The following SPMIP3 variants were observed in gnomAD, a reference collection of about 807,000 sequenced individuals.
SPMIP3 encodes the protein protein SPMIP3.
the SPMIP3 span, chr1:244,375,555 C>A: frequency 6.9e-6 from 6 of 872,058 alleles, no homozygotes; most frequent in Admixed American, 1.1e-4. Context: ...ATACACTACT[C>A]CTCATAATAC....
chr1:244,353,765 G>A, the SPMIP3 span, among the ~76,000 whole-genome samples: 3 of 152,170 alleles, frequency 2.0e-5, no homozygotes, highest in Non-Finnish European at 4.4e-5. Context: ...CAGGGGAGAA[G>A]GGAACCAACC....
chr1:244,378,584 A>G, the SPMIP3 span: 8 of 1,614,226 alleles, frequency 5.0e-6, no homozygotes, highest in Non-Finnish European at 5.9e-6. Context: ...CTGCCGAGCC[A>G]TGGTATAAAG....
chr1:244,372,232 T>A, the SPMIP3 span, among the ~76,000 whole-genome samples: 300 of 152,310 alleles, frequency 2.0e-3, no homozygotes, highest in Middle Eastern at 6.8e-3. Flanking sequence ...AGATCACTAT[T>A]TCAGCATGTG....
chr1:244,384,748 G>C, the SPMIP3 span, among the ~76,000 whole-genome samples: 18 of 152,310 alleles, frequency 1.2e-4, no homozygotes, highest in African/African-American at 4.3e-4. Context: ...GAGATGCTTA[G>C]GTGGCAATGA....
the SPMIP3 span, among the ~76,000 whole-genome samples, chr1:244,380,123 CTTTTTTT>C: frequency 1.7e-5 from 2 of 115,530 alleles, no homozygotes; most frequent in Non-Finnish European, 3.5e-5. Context: ...CAGAGTTTTT[CTTTTTTT>C]TTTTTTTTTT....
the SPMIP3 span, chr1:244,375,350 ACCT>A: frequency 6.3e-7 from 1 of 1,576,034 alleles, no homozygotes; most frequent in South Asian, 1.1e-5. Context: ...CTTTCTTCTC[ACCT>A]CCTCACTTTC....
the SPMIP3 span, among the ~76,000 whole-genome samples, chr1:244,358,251 G>T: frequency 7.6e-6 from 1 of 130,936 alleles, no homozygotes; most frequent in Admixed American, 7.8e-5. Context: ...GAAAAGAAAA[G>T]AAAATTAAAA....
At chr1:244,373,440 C>G in the SPMIP3 span, among the ~76,000 whole-genome samples, 1 of 148,372 alleles carries the variant, frequency 6.7e-6, no homozygotes, top group South Asian at 2.1e-4. Context: ...GAGTTAGAGG[C>G]TACAGTGAGC....
At chr1:244,359,126 A>T in the SPMIP3 span, among the ~76,000 whole-genome samples, 1 of 134,056 alleles carries the variant, frequency 7.5e-6, no homozygotes, top group Non-Finnish European at 1.6e-5. Flanking sequence ...TGTCCAAGAG[A>T]TTATGATTAA....
the SPMIP3 span, among the ~76,000 whole-genome samples, chr1:244,362,232 C>T: frequency 1.3e-4 from 20 of 152,312 alleles, no homozygotes; most frequent in East Asian, 2.3e-3. Context: ...ATCACACACT[C>T]TTTTTTTCCA....
chr1:244,364,801 AG>A, the SPMIP3 span: 1 of 1,595,562 alleles, frequency 6.3e-7, no homozygotes, highest in Non-Finnish European at 8.6e-7. Context: ...GAAGCCAGGC[AG>A]CCAGGTGCCT....
At chr1:244,352,723 C>G in the SPMIP3 span, 1 of 152,320 alleles carries the variant, frequency 6.6e-6, no homozygotes, top group Non-Finnish European at 1.5e-5. Flanking sequence ...CTGCCCACGG[C>G]AGCCCAAGCA....
the SPMIP3 span, among the ~76,000 whole-genome samples, chr1:244,372,484 C>A: frequency 5.3e-5 from 8 of 151,492 alleles, no homozygotes; most frequent in African/African-American, 1.9e-4. Context: ...CACTCTGTCC[C>A]CCAGGCTGGA....
At chr1:244,361,358 A>T in the SPMIP3 span, among the ~76,000 whole-genome samples, 671 of 150,448 alleles carry the variant, frequency 4.5e-3, 7 homozygotes, top group African/African-American at 0.016. Flanking sequence ...CCTCCCAAGC[A>T]GCTGGGATTA....
At chr1:244,375,528 G>C in the SPMIP3 span, 8 of 1,324,852 alleles carry the variant, frequency 6.0e-6, no homozygotes, top group South Asian at 2.4e-5. Flanking sequence ...TGATAAAAAG[G>C]GGTCGGCGGG....
the SPMIP3 span, among the ~76,000 whole-genome samples, chr1:244,354,327 C>T: frequency 1.3e-4 from 19 of 150,296 alleles, no homozygotes; most frequent in East Asian, 5.9e-4. Flanking sequence ...TTTCACTTGG[C>T]ATTGTACTGG....
At chr1:244,357,473 G>A in the SPMIP3 span, among the ~76,000 whole-genome samples, 1 of 151,966 alleles carries the variant, frequency 6.6e-6, no homozygotes, top group African/African-American at 2.4e-5. Flanking sequence ...ACTTTGGGGG[G>A]GCCAAGGTGG....
chr1:244,384,170 A>G, the SPMIP3 span, among the ~76,000 whole-genome samples: 2 of 152,194 alleles, frequency 1.3e-5, no homozygotes, highest in Admixed American at 6.5e-5. Context: ...CGAAGATTGA[A>G]TGTGGAGAGT....
the SPMIP3 span, chr1:244,389,332 T>C: frequency 3.9e-6 from 1 of 257,074 alleles, no homozygotes; most frequent in Non-Finnish European, 7.6e-6. Flanking sequence ...TAGGCCAATG[T>C]ATACGCAGGA....
Sources: gnomAD v4.1 joint callset for allele counts (sites outside exome capture counted in the v4.1 genomes callset) on GRCh38, gnomAD v4.1.1 for gene constraint, MANE v1.5 for transcripts, NCBI Gene and HGNC (gene_info 2026-07-23, HGNC 2026-07-21) for gene names.